The following GRM7 variants were observed in gnomAD, a reference collection of about 807,000 sequenced individuals.
GRM7 encodes the protein glutamate metabotropic receptor 7, also known as metabotropic glutamate receptor 7.
GRM7 carries 35 observed loss-of-function variants against 84.5 expected under a neutral mutation model. The observed-to-expected ratio is 0.41, with a 90% confidence interval of 0.32 to 0.55. The LOEUF (loss-of-function observed/expected upper bound fraction) is 0.55. GRM7 is among the 20% of genes least tolerant of loss of function. The pLI, the probability that GRM7 is intolerant of heterozygous loss-of-function variation, is 0.19. For synonymous variants in GRM7, 487 were observed against 455.1 expected, an observed-to-expected ratio of 1.07 and a Z score of -0.89; for missense variants, 1,003 against 1,194.6, an observed-to-expected ratio of 0.84 and a Z score of 2.36.
At chr3:7,290,351 G>A (rs867960110) in intron 2 of GRM7, among the ~76,000 whole-genome samples, 3 of 152,148 alleles carry the variant, frequency 2.0e-5, no homozygotes, top group Admixed American at 1.3e-4. Flanking sequence ...AGATTTTAAG[G>A]TTAAGTCAGC....
chr3:7,491,296 G>C (rs1699507680), intron 7 of GRM7, among the ~76,000 whole-genome samples: 1 of 151,952 alleles, frequency 6.6e-6, no homozygotes, highest in Admixed American at 6.6e-5. Context: ...AAAGAGAGAT[G>C]ATTTGTTAGC....
At chr3:7,075,737 G>C (rs148232051) in intron 1 of GRM7, among the ~76,000 whole-genome samples, 6,378 of 152,070 alleles carry the variant, frequency 0.042, 240 homozygotes, top group African/African-American at 0.09. Context: ...TGTTGGCCAG[G>C]CTGGTTTCGA....
chr3:7,031,721 G>A (rs1209904871), intron 1 of GRM7, among the ~76,000 whole-genome samples: 1 of 152,054 alleles, frequency 6.6e-6, no homozygotes, highest in African/African-American at 2.4e-5. Context: ...ATGTTCAGGT[G>A]TTAATAACAT....
intron 1 of GRM7, among the ~76,000 whole-genome samples, chr3:6,970,211 A>AAAACTTCCCC (rs112168295): frequency 1.3e-5 from 2 of 151,944 alleles, no homozygotes; most frequent in Non-Finnish European, 1.5e-5. Context: ...AAACTGCTCC[A>AAAACTTCCCC]AGACTTTCCC....
chr3:7,467,664 T>C (rs958820289), intron 7 of GRM7, among the ~76,000 whole-genome samples: 1 of 152,190 alleles, frequency 6.6e-6, no homozygotes, highest in Non-Finnish European at 1.5e-5. Flanking sequence ...AAACTAGATC[T>C]AGGTCATATT....
chr3:7,426,808 T>C (rs1200820081), intron 5 of GRM7, among the ~76,000 whole-genome samples: 1 of 152,192 alleles, frequency 6.6e-6, no homozygotes, highest in Non-Finnish European at 1.5e-5. Flanking sequence ...CAAGTAGTTG[T>C]TGAGGAACTA....
At position 7,667,643 on chromosome 3, in the gene GRM7, A is replaced by G. The variant is rs551872137; in HGVS notation, c.2452-12406A>G. On this transcript the variant is annotated intron_variant, in intron 8 of 9. Transcript: ENST00000357716. ...AATTTTTTTTTCCTAAATTATAAACATGGTCCTAGATATTATGGAGAGATC... is the reference window on the plus strand; with the variant it reads ...AATTTTTTTTTCCTAAATTATAAACGTGGTCCTAGATATTATGGAGAGATC... Among the ~76,000 whole-genome samples the G allele has an allele frequency of 2.2e-4, 33 of 152,240 alleles. 1 individual carries two copies. The highest frequency in any genetic ancestry group is 6.8e-3 in the Middle Eastern group (2 of 294).
intron 2 of GRM7, among the ~76,000 whole-genome samples, chr3:7,269,053 CAG>C (rs1165331620): frequency 6.6e-6 from 1 of 152,096 alleles, no homozygotes; most frequent in Non-Finnish European, 1.5e-5. Context: ...TCTACAATTA[CAG>C]AGTTATAAAA....
chr3:6,896,946 A>G (rs897250280), intron 1 of GRM7, among the ~76,000 whole-genome samples: 5 of 152,170 alleles, frequency 3.3e-5, no homozygotes, highest in African/African-American at 7.2e-5. Flanking sequence ...AACAGCTATC[A>G]TATTGTATCA....
chr3:7,427,052 CTT>C (rs1696638460), intron 5 of GRM7, among the ~76,000 whole-genome samples: 1 of 152,132 alleles, frequency 6.6e-6, no homozygotes, highest in Non-Finnish European at 1.5e-5. Flanking sequence ...GAATCAGAGA[CTT>C]TGTAGGATCT....
chr3:7,482,282 T>A (rs940709956), intron 7 of GRM7, among the ~76,000 whole-genome samples: 2 of 152,188 alleles, frequency 1.3e-5, no homozygotes, highest in Non-Finnish European at 2.9e-5. Context: ...TTTGATTACA[T>A]GCGTCTCAAT....
At chr3:6,869,568 CATCT>C (rs1434542087) in intron 1 of GRM7, among the ~76,000 whole-genome samples, 1 of 62,576 alleles carries the variant, frequency 1.6e-5, no homozygotes, top group South Asian at 4.3e-4. Context: ...GTATAATTTA[CATCT>C]ATCTATCTGT....
intron 8 of GRM7, among the ~76,000 whole-genome samples, chr3:7,659,862 A>T (rs919378021): frequency 1.3e-5 from 2 of 152,162 alleles, no homozygotes; most frequent in African/African-American, 4.8e-5. Context: ...TAACCCCACC[A>T]TTAATAGTAT....
In GRM7 at chr3:6,862,359, G is replaced by A. The variant is rs960684537; in HGVS notation, c.519+452G>A. Among the ~76,000 whole-genome samples the A allele has an allele frequency of 2.6e-5, 4 of 151,924 alleles. No individual in the cohort carries two copies. Among genetic ancestry groups the A allele is most frequent in the Non-Finnish European group, 5.9e-5 (4 of 67,990 alleles). On this transcript the variant is annotated intron_variant, in intron 1 of 9. Transcript: ENST00000357716. This position sits in a 1 kb window ranked among gnomAD's most constrained non-coding sequence, Gnocchi z 5.2. ...CACCCCCAAGCCAGCCTGCCAACCT[G>A]CACTCCCTTGAAAAATTTGGAGACA...
At chr3:6,881,124 TC>T (rs759791552) in intron 1 of GRM7, among the ~76,000 whole-genome samples, 43 of 152,260 alleles carry the variant, frequency 2.8e-4, no homozygotes, top group Non-Finnish European at 5.4e-4. Context: ...AAATACACAT[TC>T]TTTTTTTCTT....
At chr3:7,394,830 G>C (rs1389361234) in intron 4 of GRM7, among the ~76,000 whole-genome samples, 1 of 152,120 alleles carries the variant, frequency 6.6e-6, no homozygotes, top group South Asian at 2.1e-4. Flanking sequence ...CTGAGGACTG[G>C]AGTTCAAGAC....
At chr3:7,143,307 C>T (rs1694008616) in intron 1 of GRM7, among the ~76,000 whole-genome samples, 1 of 152,134 alleles carries the variant, frequency 6.6e-6, no homozygotes, top group South Asian at 2.1e-4. Context: ...CATCATTTTT[C>T]ACAGGTTACA....
chr3:7,515,804 G>A (rs556952238), intron 7 of GRM7, among the ~76,000 whole-genome samples: 19 of 152,170 alleles, frequency 1.2e-4, no homozygotes, highest in Middle Eastern at 6.8e-3. Context: ...GCCTCTTGCT[G>A]TGTAAACTAG....
intron 2 of GRM7, among the ~76,000 whole-genome samples, chr3:7,150,982 G>A (rs1299052765): frequency 6.6e-6 from 1 of 152,118 alleles, no homozygotes; most frequent in Non-Finnish European, 1.5e-5. Flanking sequence ...AACTGTTACT[G>A]CTATGCTACC....
Sources: gnomAD v4.1 joint callset for allele counts (sites outside exome capture counted in the v4.1 genomes callset) on GRCh38, gnomAD v4.1.1 for gene constraint, Gnocchi (gnomAD v3.1) non-coding constraint, MANE v1.5 for transcripts, NCBI Gene and HGNC (gene_info 2026-07-23, HGNC 2026-07-21) for gene names.